Variants in GKN2 observed in about 807,000 individuals in gnomAD.
The protein encoded by GKN2 is gastrokine 2.
In GKN2, 17 loss-of-function variants were observed where a neutral mutation model predicts 22.7. The observed-to-expected ratio is 0.75, with a 90% confidence interval of 0.51 to 1.13. The LOEUF (loss-of-function observed/expected upper bound fraction) is 1.13. Among genes scored for constraint, GKN2 ranks in the 50% most tolerant of loss-of-function variants. The pLI is 0.00. For synonymous variants in GKN2, 82 were observed against 79.6 expected (o/e 1.03, Z -0.16); for missense variants, 248 against 221.4 (o/e 1.12, Z -0.76).
intron 5 of GKN2, 102 bp from the exon 6 acceptor site, chr2:68,945,552 G>T (rs1669752878): frequency 3.4e-6 from 3 of 877,818 alleles, no homozygotes; most frequent in Non-Finnish European, 3.6e-6. Context: ...ACAACTTTTG[G>T]AAGTGCTGGT....
intron 3 of GKN2, among the ~76,000 whole-genome samples, chr2:68,948,687 A>C (rs1434760817): frequency 6.6e-6 from 1 of 152,220 alleles, no homozygotes; most frequent in African/African-American, 2.4e-5. Flanking sequence ...AAGGCCACTG[A>C]GTCTTCACCT....
chr2:68,950,618 C>T lies in GKN2; in HGVS notation c.66+84G>A, dbSNP rs1669841282. 18 of 1,218,048 alleles carry T rather than the reference C, an allele frequency of 1.5e-5. No individual in the cohort carries two copies. In the South Asian group the frequency reaches 2.2e-4, roughly 15 times the overall value. The allele number at this position is 1,218,048 out of a possible 1,614,324, so 75.5% of individuals were successfully genotyped here. On this transcript the variant is annotated intron_variant, in intron 2 of 5. Transcript: ENST00000328895. ...CCATCCCAAATAAGGCATATGGCCTCTCTACTGTCTTCAGGCTCTCTTGTA... is the reference window on the plus strand; with the variant it reads ...CCATCCCAAATAAGGCATATGGCCTTTCTACTGTCTTCAGGCTCTCTTGTA...
Position 68,950,159 on chromosome 2 carries a change from T to G in GKN2, c.171A>C (p.Ser57=), listed in dbSNP as rs780176506. ...AGTCAAAAATTGTGGTAGAAGAGCA[T>G]GATCCTGCATGGATGTTAATGATGG... ...NTAIINIHAG[S]CSSTTIFDYK... The change falls in exon 3 of 6, where the codon TCA becomes TCC. Residue 57 remains serine, a synonymous_variant. Transcript: ENST00000328895. 1.9e-6 allele frequency: 3 copies of G among 1,613,764 alleles called. No individual in the cohort carries two copies. In the East Asian group the frequency reaches 6.7e-5, roughly 36 times the overall value.
At chr2:68,950,054 C>T in intron 3 of GKN2, 72 bp downstream of exon 3, 2 of 1,223,374 alleles carry the variant, frequency 1.6e-6, no homozygotes, top group South Asian at 1.7e-5. Flanking sequence ...ATATATGCCC[C>T]ATATATATAT....
intron 1 of GKN2, among the ~76,000 whole-genome samples, chr2:68,951,019 C>T (rs751021866): frequency 6.6e-6 from 1 of 152,076 alleles, no homozygotes; most frequent in Non-Finnish European, 1.5e-5. Context: ...CTCTTTCTAG[C>T]ATTATAACCA....
intron 3 of GKN2, among the ~76,000 whole-genome samples, chr2:68,949,058 A>C (rs1669817147): frequency 6.6e-6 from 1 of 152,232 alleles, no homozygotes; most frequent in Non-Finnish European, 1.5e-5. Context: ...AAGGGACAGA[A>C]AATCATGTTC....
At chr2:68,949,144 A>G (rs1669817866) in intron 3 of GKN2, among the ~76,000 whole-genome samples, 3 of 152,240 alleles carry the variant, frequency 2.0e-5, no homozygotes, top group South Asian at 2.1e-4. Flanking sequence ...AAGCAGGTTC[A>G]TAATTCGTTG....
chr2:68,946,914 T>C (rs1669779681), intron 4 of GKN2, among the ~76,000 whole-genome samples: 1 of 152,332 alleles, frequency 6.6e-6, no homozygotes, highest in East Asian at 1.9e-4. Flanking sequence ...TGGAATTTAT[T>C]ATAAATTCTT....
In GKN2 at chr2:68,950,201, A is replaced by T; in HGVS notation, c.129T>A (p.Asp43Glu). The T allele has an allele frequency of 6.2e-7, 1 of 1,613,892 alleles. No individual in the cohort carries two copies. The highest frequency in any genetic ancestry group is 8.5e-7 in the Non-Finnish European group (1 of 1,179,806). ...TAATGATGGCGGTATTTTTTTCATTATCAATTGTCACTGTCTCCTGAACAT... is the reference window on the plus strand; with the variant it reads ...TAATGATGGCGGTATTTTTTTCATTTTCAATTGTCACTGTCTCCTGAACAT... Reference protein sequence around the residue: ...GGNVQETVTIDNEKNTAIINI... With the variant: ...GGNVQETVTIENEKNTAIINI... Residue 43 changes from aspartate to glutamate, a missense_variant, in exon 3 of 6, where the codon GAT (aspartate) becomes GAA (glutamate). Physicochemically the swap from Asp to Glu is conservative, Grantham distance 45. Coordinates refer to ENST00000328895, the MANE Select transcript of GKN2 (RefSeq NM_182536.3).
chr2:68,952,483 CTGATAT>C (rs1316146646), intron 1 of GKN2, among the ~76,000 whole-genome samples: 3 of 152,132 alleles, frequency 2.0e-5, no homozygotes, highest in Non-Finnish European at 4.4e-5. Flanking sequence ...ATTACTATTA[CTGATAT>C]TATTTTTAAA....
chr2:68,950,212 C>T lies in GKN2; in HGVS notation c.118G>A (p.Val40Met). 2 of 1,613,582 alleles carry T rather than the reference C, an allele frequency of 1.2e-6. No homozygotes were observed. Among genetic ancestry groups the T allele is most frequent in the East Asian group, 2.2e-5 (1 of 44,854 alleles). The change falls in exon 3 of 6, where the codon GTG (valine) becomes ATG (methionine). Residue 40 changes from valine (V) to methionine (M), a missense_variant. Val to Met is a conservative substitution (Grantham distance 21). Transcript: ENST00000328895. ...GTATTTTTTTCATTATCAATTGTCA[C>T]TGTCTCCTGAACATTGCCACCATTG... ...SNNGGNVQET[V>M]TIDNEKNTAI... is the part of the protein sequence containing the mutation.
chr2:68,951,258 A>G (rs566495447), intron 1 of GKN2, among the ~76,000 whole-genome samples: 16 of 152,316 alleles, frequency 1.1e-4, no homozygotes, highest in African/African-American at 3.8e-4. Context: ...CAGGTTCCTA[A>G]GGGAAACTAT....
intron 1 of GKN2, among the ~76,000 whole-genome samples, chr2:68,951,750 C>T (rs1007165962): frequency 3.9e-5 from 6 of 152,172 alleles, no homozygotes; most frequent in African/African-American, 1.4e-4. Flanking sequence ...ATATGATACT[C>T]CCGTATATTC....
At chr2:68,951,370 G>A (rs1256190056) in intron 1 of GKN2, among the ~76,000 whole-genome samples, 2 of 152,134 alleles carry the variant, frequency 1.3e-5, no homozygotes, top group African/African-American at 4.8e-5. Flanking sequence ...CAAGTGCTGG[G>A]CCCACAGGTC....
chr2:68,949,681 A>G (rs1367555646), intron 3 of GKN2, among the ~76,000 whole-genome samples: 1 of 152,132 alleles, frequency 6.6e-6, no homozygotes, highest in Non-Finnish European at 1.5e-5. Context: ...CAGACTCCCA[A>G]AGTGCTGGGA....
intron 3 of GKN2, among the ~76,000 whole-genome samples, chr2:68,949,549 AG>A (rs1669824013): frequency 6.6e-6 from 1 of 151,954 alleles, no homozygotes; most frequent in Admixed American, 6.6e-5. Context: ...CCTCCCAAGT[AG>A]GTGGGACCAC....
intron 3 of GKN2, 42 bp downstream of exon 3, chr2:68,950,084 C>T: frequency 1.3e-6 from 2 of 1,585,728 alleles, no homozygotes; most frequent in Non-Finnish European, 1.7e-6. Flanking sequence ...TGCTCTTTAG[C>T]AAACTAGTCC....
chr2:68,950,315 A>C (rs774997259), intron 2 of GKN2, 52 bp from the exon 3 acceptor site: 30 of 1,535,330 alleles, frequency 2.0e-5, no homozygotes, highest in Middle Eastern at 1.7e-4. Flanking sequence ...ATATATTTGA[A>C]AGGCAACTCT....
chr2:68,952,225 A>G (rs1669866673), intron 1 of GKN2, among the ~76,000 whole-genome samples: 2 of 152,174 alleles, frequency 1.3e-5, no homozygotes, highest in Non-Finnish European at 2.9e-5. Flanking sequence ...GACATTGAAG[A>G]CACTCTGGCT....
Sources: allele counts gnomAD v4.1 joint callset (sites outside exome capture counted in the v4.1 genomes callset), GRCh38; gene constraint gnomAD v4.1.1; transcripts MANE v1.5; gene names NCBI Gene and HGNC (gene_info 2026-07-23, HGNC 2026-07-21).